SKI: variants seen among roughly 807,000 people sequenced by gnomAD.
SKI encodes the protein ski oncogene.
Under a neutral mutation model 59.3 loss-of-function variants are expected in SKI, and 23 were observed. The ratio of observed to expected loss-of-function variants is 0.39; its 90% CI spans 0.28 to 0.55. SKI has a LOEUF of 0.55. SKI is among the 20% of genes least tolerant of loss of function. The pLI is 0.67. For synonymous variants in SKI, 673 were observed against 488.6 expected (o/e 1.38, Z -4.98); for missense variants, 1,017 against 1,038.9 (o/e 0.98, Z 0.29).
At chr1:2,233,831 AG>A (rs1189270118) in intron 1 of SKI, among the ~76,000 whole-genome samples, 1 of 152,118 alleles carries the variant, frequency 6.6e-6, no homozygotes, top group African/African-American at 2.4e-5. Flanking sequence ...AAATGATCAC[AG>A]GAAGGGACAG....
intron 1 of SKI, among the ~76,000 whole-genome samples, chr1:2,241,702 A>AT (rs1463562168): frequency 6.6e-6 from 1 of 152,106 alleles, no homozygotes; most frequent in Non-Finnish European, 1.5e-5. Context: ...CAGGACTGTA[A>AT]TTTTTTGAAG....
At chr1:2,289,590 G>C (rs1640118337) in intron 1 of SKI, among the ~76,000 whole-genome samples, 1 of 139,762 alleles carries the variant, frequency 7.2e-6, no homozygotes, top group Non-Finnish European at 1.6e-5. Flanking sequence ...GGGTGGGGGG[G>C]TGCAGGGCAG....
At chr1:2,240,675 C>G (rs1638851389) in intron 1 of SKI, 6 of 985,448 alleles carry the variant, frequency 6.1e-6, no homozygotes, top group East Asian at 2.3e-4. Flanking sequence ...AAGTGAAGCT[C>G]TCTCTACTTG....
At chr1:2,283,129 C>T (rs906997197) in intron 1 of SKI, among the ~76,000 whole-genome samples, 5 of 152,230 alleles carry the variant, frequency 3.3e-5, no homozygotes, top group African/African-American at 9.6e-5. Flanking sequence ...GGCCCAACCG[C>T]CTTTGTCGGG....
chr1:2,257,476 C>T (rs1033513427), intron 1 of SKI, among the ~76,000 whole-genome samples: 7 of 152,264 alleles, frequency 4.6e-5, no homozygotes, highest in Non-Finnish European at 1.0e-4. Flanking sequence ...GGCTCCCTAG[C>T]GTCTGCCTCT....
intron 1 of SKI, chr1:2,232,755 G>T: frequency 6.6e-6 from 1 of 152,486 alleles, no homozygotes; most frequent in Non-Finnish European, 1.5e-5. Flanking sequence ...CACTGGCTTT[G>T]TGACCTTGGA....
chr1:2,281,079 C>A (rs367581383), intron 1 of SKI, among the ~76,000 whole-genome samples: 1 of 64,608 alleles, frequency 1.5e-5, no homozygotes, highest in Non-Finnish European at 3.4e-5. Flanking sequence ...CTTCAGAGAG[C>A]GGACGCCCGA....
intron 1 of SKI, among the ~76,000 whole-genome samples, chr1:2,235,450 C>T (rs1448637769): frequency 1.3e-5 from 2 of 152,234 alleles, no homozygotes; most frequent in African/African-American, 4.8e-5. Flanking sequence ...CTCTGCAGAC[C>T]AGGTGCCATG....
chr1:2,271,521 C>T (rs887224171), intron 1 of SKI, among the ~76,000 whole-genome samples: 6 of 152,160 alleles, frequency 3.9e-5, no homozygotes, highest in African/African-American at 1.2e-4. Context: ...TGGCAGGTTC[C>T]GCGGAGTGCC....
Position 2,304,462 on chromosome 1 carries a change from A to G in SKI, c.1644A>G (p.Ala548=). 1 of 1,569,608 alleles carries G rather than the reference A, an allele frequency of 6.4e-7. No individual in the cohort carries two copies. The highest frequency in any genetic ancestry group is 2.4e-5 in the East Asian group (1 of 41,890). Residue 548 remains alanine (A), a synonymous_variant, in exon 5 of 7, where the codon GCA becomes GCG. Transcript: ENST00000378536. ...CGGAGCTGGAGCACCTGCGGCAGGC[A>G]CTGGAGGGCGGCCTGGACACCAAGG... The part of the protein sequence containing the change: ...LEAELEHLRQ[A]LEGGLDTKEA...
At chr1:2,238,909 G>A (rs558773085) in intron 1 of SKI, among the ~76,000 whole-genome samples, 2 of 152,182 alleles carry the variant, frequency 1.3e-5, no homozygotes, top group African/African-American at 2.4e-5. Context: ...CTGGTGTGGC[G>A]TCTGTGAGAT....
rs936408627 is a variant in SKI at position 2,247,530 on chromosome 1, C to A, written c.969+17795C>A. ...CTGTCACGTTCCTCCCTTTGGAACC[C>A]ATTGCCAAATGTGGGTGGTGTGGTG... On this transcript the variant is annotated intron_variant, in intron 1 of 6. Coordinates refer to ENST00000378536, the MANE Select transcript of SKI (RefSeq NM_003036.4). Among the ~76,000 whole-genome samples, 3 of 152,234 alleles carry A rather than the reference C, an allele frequency of 2.0e-5. 1 individual carries two copies. Among genetic ancestry groups the A allele is most frequent in the Admixed American group, 1.3e-4 (2 of 15,284 alleles).
chr1:2,247,225 AC>A (rs1374842000), intron 1 of SKI, among the ~76,000 whole-genome samples: 1 of 152,136 alleles, frequency 6.6e-6, no homozygotes, highest in African/African-American at 2.4e-5. Flanking sequence ...TCTTAAAAAA[AC>A]AAAAAACAAA....
chr1:2,254,850 G>A (rs1252600017), intron 1 of SKI, among the ~76,000 whole-genome samples: 1 of 152,226 alleles, frequency 6.6e-6, no homozygotes, highest in East Asian at 1.9e-4. Context: ...CCTGCGGTCA[G>A]GTGAGCTCTG....
rs1264215614 is a variant in SKI, at chr1:2,270,253, G to A, written c.970-32725G>A. 6.6e-6 allele frequency among the ~76,000 whole-genome samples: 1 copy of A among 152,214 alleles called. No homozygotes were observed. Among genetic ancestry groups the A allele is most frequent in the African/African-American group, 2.4e-5 (1 of 41,466 alleles). On this transcript the variant is annotated intron_variant, in intron 1 of 6. Transcript: ENST00000378536. The surrounding 1 kb of genome is among the most constrained non-coding windows in gnomAD (Gnocchi z 4.1). ...CTGGCTGGCGCTGCGTCTGGGTTCG[G>A]TCCTGGACCTGCTGCGTGTTATCCT...
At chr1:2,290,455 T>G (rs1003702420) in intron 1 of SKI, among the ~76,000 whole-genome samples, 1 of 152,128 alleles carries the variant, frequency 6.6e-6, no homozygotes, top group African/African-American at 2.4e-5. Context: ...CTGCACGTGT[T>G]TCTGGGCATC....
intron 1 of SKI, among the ~76,000 whole-genome samples, chr1:2,241,106 G>A (rs1470036178): frequency 1.3e-5 from 2 of 152,236 alleles, no homozygotes; most frequent in African/African-American, 2.4e-5. Flanking sequence ...CCAGAAGGTG[G>A]GGCCCTGCGG....
At chr1:2,278,956 GA>G (rs1244802519) in intron 1 of SKI, among the ~76,000 whole-genome samples, 1 of 152,166 alleles carries the variant, frequency 6.6e-6, no homozygotes, top group East Asian at 1.9e-4. Flanking sequence ...CCGCCTCCTG[GA>G]CCCTGGCGTT....
rs756190029 is a variant in SKI at position 2,228,829 on chromosome 1, G to A, written c.63G>A (p.Leu21=). Residue 21 remains leucine, a synonymous_variant, in exon 1 of 7, where the codon CTG becomes CTA. Coordinates refer to ENST00000378536, the MANE Select transcript of SKI (RefSeq NM_003036.4). ...CGCACCCGGGGCTGCAGAAGACGCT[G>A]GAGCAGTTCCACCTGAGCTCCATGA... is the stretch of plus-strand genomic sequence containing the variant. ...FQPHPGLQKT[L]EQFHLSSMSS... is the part of the protein sequence containing the mutation. 1.4e-6 allele frequency: 2 copies of A among 1,397,944 alleles called. No homozygotes were observed. Among genetic ancestry groups the A allele is most frequent in the East Asian group, 3.4e-5 (1 of 29,660 alleles). 86.6% of individuals were successfully genotyped at this position (1,397,944 alleles called of 1,614,324 possible).
Sources: allele counts gnomAD v4.1 joint callset (sites outside exome capture counted in the v4.1 genomes callset), GRCh38; gene constraint gnomAD v4.1.1; non-coding constraint Gnocchi (gnomAD v3.1); transcripts MANE v1.5; gene names NCBI Gene and HGNC (gene_info 2026-07-23, HGNC 2026-07-21).